ZC3H3: variants seen among roughly 807,000 people sequenced by gnomAD.
The protein encoded by ZC3H3 is zinc finger CCCH domain-containing protein 3.
ZC3H3 carries 36 observed loss-of-function variants against 77.3 expected under a neutral mutation model. That is an observed-to-expected ratio of 0.47 (90% confidence interval 0.36 to 0.61). The LOEUF (loss-of-function observed/expected upper bound fraction) is 0.61, where lower values mean the gene tolerates loss of function less well. ZC3H3 is among the 20% of genes least tolerant of loss of function. The pLI, the probability that ZC3H3 is intolerant of heterozygous loss-of-function variation, is 0.00. For synonymous variants in ZC3H3, 626 were observed against 555.2 expected, an observed-to-expected ratio of 1.13 and a Z score of -1.79; for missense variants, 1,331 against 1,312.2, an observed-to-expected ratio of 1.01 and a Z score of -0.22.
chr8:143,447,057 C>T (rs193038000), intron 9 of ZC3H3, among the ~76,000 whole-genome samples: 1 of 152,238 alleles, frequency 6.6e-6, no homozygotes, highest in African/African-American at 2.4e-5. Flanking sequence ...CCAGGCTCCA[C>T]GGCGCTCTCT....
At chr8:143,468,090 G>T in intron 8 of ZC3H3, 119 bp downstream of exon 8, 1 of 1,253,256 alleles carries the variant, frequency 8.0e-7, no homozygotes. Context: ...AGGACGCCAG[G>T]GCAGGGATCT....
chr8:143,461,917 A>G (rs1220928767), intron 9 of ZC3H3, among the ~76,000 whole-genome samples: 3 of 151,686 alleles, frequency 2.0e-5, no homozygotes, highest in African/African-American at 7.3e-5. Flanking sequence ...AACCCACAGA[A>G]CCATACACCT....
intron 5 of ZC3H3, among the ~76,000 whole-genome samples, chr8:143,473,286 G>A (rs1424768230): frequency 3.3e-5 from 5 of 152,126 alleles, no homozygotes; most frequent in South Asian, 2.1e-4. Flanking sequence ...CTGCATGGCG[G>A]CCTCAGGATG....
In ZC3H3 at chr8:143,462,023, A is replaced by G. The variant is rs1048877891; in HGVS notation, c.2307+3694T>C. Among the ~76,000 whole-genome samples, 1 of 151,360 alleles carries G rather than the reference A, an allele frequency of 6.6e-6. No individual in the cohort carries two copies. The highest frequency in any genetic ancestry group is 1.5e-5 in the Non-Finnish European group (1 of 67,892). ...ACACCACAGATCAAAGGGTTAGATC[A>G]CCGTTGAGGGAAAGCACCCACGACA... On this transcript the variant is annotated intron_variant, in intron 9 of 11. Transcript: ENST00000262577. The surrounding 1 kb of genome is among the most constrained non-coding windows in gnomAD (Gnocchi z 4.7).
chr8:143,483,087 A>AT (rs1820950577), intron 4 of ZC3H3, among the ~76,000 whole-genome samples: 1 of 151,666 alleles, frequency 6.6e-6, no homozygotes, highest in Non-Finnish European at 1.5e-5. Flanking sequence ...ATGGAGCACA[A>AT]TTTTTCGAAG....
At chr8:143,518,548 G>T (rs930573718) in intron 3 of ZC3H3, among the ~76,000 whole-genome samples, 1 of 152,240 alleles carries the variant, frequency 6.6e-6, no homozygotes, top group East Asian at 1.9e-4. Flanking sequence ...GCCACATGCC[G>T]CTCTCCTCTG....
Position 143,533,323 on chromosome 8 carries a change from G to A in ZC3H3, c.1561+2934C>T, listed in dbSNP as rs1028485477. Among the ~76,000 whole-genome samples the A allele has an allele frequency of 5.3e-5, 8 of 152,056 alleles. No homozygotes were observed. Among genetic ancestry groups the A allele is most frequent in the African/African-American group, 1.7e-4 (7 of 41,422 alleles). The stretch of plus-strand genomic sequence containing the variant: ...TCGGCCTCAGAGCTGAGCCCTATTC[G>A]CTCCTCTCTGCTCAGGTCACCTCCT... On this transcript the variant is annotated intron_variant, in intron 3 of 11. Transcript: ENST00000262577. This position sits in a 1 kb window ranked among gnomAD's most constrained non-coding sequence, Gnocchi z 4.0.
At chr8:143,477,124 C>T (rs1340872394) in intron 4 of ZC3H3, among the ~76,000 whole-genome samples, 2 of 152,236 alleles carry the variant, frequency 1.3e-5, no homozygotes, top group African/African-American at 4.8e-5. Flanking sequence ...GGGCCTTGGT[C>T]CCTCTGCCTG....
At chr8:143,539,668 A>G (rs1418807975) in intron 1 of ZC3H3, among the ~76,000 whole-genome samples, 1 of 152,170 alleles carries the variant, frequency 6.6e-6, no homozygotes, top group Non-Finnish European at 1.5e-5. Context: ...GAGAATCGCA[A>G]TGATCCCCTC....
chr8:143,451,166 A>G (rs956137511), intron 9 of ZC3H3, among the ~76,000 whole-genome samples: 13 of 152,132 alleles, frequency 8.5e-5, no homozygotes, highest in African/African-American at 3.1e-4. Flanking sequence ...AGACACGGGA[A>G]CAGGTGCTCC....
chr8:143,513,503 C>G (rs1166231932), intron 3 of ZC3H3, among the ~76,000 whole-genome samples: 3 of 152,222 alleles, frequency 2.0e-5, no homozygotes, highest in Admixed American at 2.0e-4. Flanking sequence ...CAGGCAGCGT[C>G]CCTGACAGTG....
At chr8:143,541,047 G>A (rs1369019892) in intron 1 of ZC3H3, among the ~76,000 whole-genome samples, 2 of 152,248 alleles carry the variant, frequency 1.3e-5, no homozygotes, top group Non-Finnish European at 1.5e-5. Flanking sequence ...CCCGCAGTGG[G>A]GCGCGGGGAG....
intron 4 of ZC3H3, among the ~76,000 whole-genome samples, chr8:143,476,665 C>G (rs1345556561): frequency 6.6e-6 from 1 of 152,260 alleles, no homozygotes; most frequent in Non-Finnish European, 1.5e-5. Flanking sequence ...ACCACACCCC[C>G]AGCAAATCTG....
At chr8:143,473,179 G>A (rs1299778212) in intron 5 of ZC3H3, among the ~76,000 whole-genome samples, 3 of 152,148 alleles carry the variant, frequency 2.0e-5, no homozygotes, top group Non-Finnish European at 2.9e-5. Flanking sequence ...AGTGGTGCCA[G>A]GTAGACCCCG....
At chr8:143,475,735 G>A (rs1432425073) in intron 4 of ZC3H3, 150 bp from the exon 5 acceptor site, 20 of 924,014 alleles carry the variant, frequency 2.2e-5, no homozygotes, top group African/African-American at 6.8e-5. Context: ...GGGTGACCAC[G>A]GGCCATTGGC....
chr8:143,529,322 A>G (rs117157714), intron 3 of ZC3H3, among the ~76,000 whole-genome samples: 1 of 152,334 alleles, frequency 6.6e-6, no homozygotes, highest in Non-Finnish European at 1.5e-5. Context: ...TGACACCCCC[A>G]TAAGCATCTG....
intron 3 of ZC3H3, among the ~76,000 whole-genome samples, chr8:143,525,423 G>A (rs1182206764): frequency 2.6e-5 from 4 of 152,254 alleles, no homozygotes; most frequent in Non-Finnish European, 4.4e-5. Flanking sequence ...GGGACACATG[G>A]CCCAGCCCTT....
intron 4 of ZC3H3, among the ~76,000 whole-genome samples, chr8:143,487,630 C>A (rs1821086720): frequency 9.1e-5 from 4 of 43,840 alleles, no homozygotes; most frequent in Non-Finnish European, 1.9e-4. Context: ...CGCTACACGA[C>A]CCCACCACCA....
intron 9 of ZC3H3, among the ~76,000 whole-genome samples, chr8:143,451,845 G>A (rs1255689108): frequency 6.6e-6 from 1 of 151,832 alleles, no homozygotes; most frequent in East Asian, 1.9e-4. Context: ...TGCATTGCTT[G>A]GAACACAGAC....
Sources: gnomAD v4.1 joint callset for allele counts (sites outside exome capture counted in the v4.1 genomes callset) on GRCh38, gnomAD v4.1.1 for gene constraint, Gnocchi (gnomAD v3.1) non-coding constraint, MANE v1.5 for transcripts, NCBI Gene and HGNC (gene_info 2026-07-23, HGNC 2026-07-21) for gene names.